DPP6: variants seen among roughly 807,000 people sequenced by gnomAD.
DPP6 encodes A-type potassium channel modulatory protein DPP6.
In DPP6, 69 loss-of-function variants were observed where a neutral mutation model predicts 122.6. The observed-to-expected ratio is 0.56, with a 90% CI of 0.46 to 0.69. DPP6 has a LOEUF of 0.69. DPP6 is among the 30% of genes least tolerant of loss of function. The probability of loss-of-function intolerance (pLI) is 0.00; values close to 1 mark genes in which losing one functional copy is unlikely to be tolerated. For synonymous variants in DPP6, 418 were observed against 433.1 expected, an observed-to-expected ratio of 0.97 and a Z score of 0.43; for missense variants, 928 against 1,116.9, an observed-to-expected ratio of 0.83 and a Z score of 2.41.
At chr7:154,219,805 T>G (rs2150826238) in intron 1 of DPP6, among the ~76,000 whole-genome samples, 1 of 152,350 alleles carries the variant, frequency 6.6e-6, no homozygotes, top group East Asian at 1.9e-4. Context: ...CAGGCTGGTC[T>G]CGAACTCCTG....
In DPP6 at chr7:154,683,246, A is replaced by T. The variant is rs1477831139; in HGVS notation, c.762+13805A>T. Among the ~76,000 whole-genome samples, 5 of 152,274 alleles carry T rather than the reference A, an allele frequency of 3.3e-5. No homozygotes were observed. In the East Asian group the frequency reaches 7.7e-4, roughly 24 times the overall value. ...GAGTGTGCCGTCTGACCTCCAGCCT[A>T]GATCGCTCTAGAGCCTGCGCCTGTC... is the stretch of plus-strand genomic sequence containing the variant. On this transcript the variant is annotated intron_variant, in intron 7 of 25. Transcript: ENST00000377770.
At chr7:154,264,947 A>G (rs559376604) in intron 1 of DPP6, among the ~76,000 whole-genome samples, 1 of 150,342 alleles carries the variant, frequency 6.7e-6, no homozygotes, top group Admixed American at 6.6e-5. Context: ...GATGATAGTG[A>G]TAATGATGGT....
At chr7:153,994,076 T>C (rs972487212) in intron 1 of DPP6, among the ~76,000 whole-genome samples, 4 of 152,050 alleles carry the variant, frequency 2.6e-5, no homozygotes, top group Admixed American at 2.0e-4. Context: ...ATATTCTAAC[T>C]CCTTTTATAA....
chr7:153,891,460 CAAA>C (rs1375346390), intron 1 of DPP6, among the ~76,000 whole-genome samples: 1 of 152,036 alleles, frequency 6.6e-6, no homozygotes, highest in Non-Finnish European at 1.5e-5. Context: ...TTGCTCGAAA[CAAA>C]AATTATTTTT....
At chr7:154,270,011 A>G (rs1373628183) in intron 1 of DPP6, among the ~76,000 whole-genome samples, 1 of 152,218 alleles carries the variant, frequency 6.6e-6, no homozygotes, top group East Asian at 1.9e-4. Context: ...GGAATGACGG[A>G]CCCAGCAGCC....
At chr7:154,647,614 C>T (rs1836571553) in intron 6 of DPP6, among the ~76,000 whole-genome samples, 1 of 152,102 alleles carries the variant, frequency 6.6e-6, no homozygotes, top group Non-Finnish European at 1.5e-5. Flanking sequence ...CCTGGGCTCC[C>T]TCTGGTGAGC....
the DPP6 span, among the ~76,000 whole-genome samples, chr7:153,863,180 A>G: frequency 1.3e-5 from 2 of 152,190 alleles, no homozygotes; most frequent in African/African-American, 4.8e-5. Flanking sequence ...TGATTTCATC[A>G]AAGCATAGCA....
intron 6 of DPP6, among the ~76,000 whole-genome samples, chr7:154,652,583 T>A (rs1460220656): frequency 6.6e-6 from 1 of 152,112 alleles, no homozygotes. Flanking sequence ...TTGAACATGC[T>A]AGAACATGCA....
chr7:154,125,293 G>A (rs1434050785), intron 1 of DPP6, among the ~76,000 whole-genome samples: 1 of 152,180 alleles, frequency 6.6e-6, no homozygotes, highest in Non-Finnish European at 1.5e-5. Context: ...CTCATTCTTC[G>A]AAGTCCTTTC....
chr7:154,268,163 C>T (rs1407885844), intron 1 of DPP6, among the ~76,000 whole-genome samples: 3 of 152,114 alleles, frequency 2.0e-5, no homozygotes, highest in African/African-American at 7.2e-5. Context: ...CTTGCTGTTT[C>T]TATGAGGAAT....
chr7:154,760,378 A>G lies in DPP6; in HGVS notation c.884-9039A>G, dbSNP rs577068382. The stretch of plus-strand genomic sequence containing the variant: ...GGGTGGAGGAAATTCAGTCCATGAC[A>G]TCAGCAAGCTCATTCTGCACAGACC... On this transcript the variant is annotated intron_variant, in intron 8 of 25. Transcript: ENST00000377770. This position sits in a 1 kb window ranked among gnomAD's most constrained non-coding sequence, Gnocchi z 4.5. Among the ~76,000 whole-genome samples the G allele has an allele frequency of 1.2e-4, 18 of 152,150 alleles. No individual in the cohort carries two copies. The highest frequency in any genetic ancestry group is 1.0e-4 in the Non-Finnish European group (7 of 68,002).
intron 3 of DPP6, among the ~76,000 whole-genome samples, chr7:154,489,406 A>T (rs1298941729): frequency 6.6e-6 from 1 of 152,218 alleles, no homozygotes; most frequent in Non-Finnish European, 1.5e-5. Context: ...AGATTGGTGT[A>T]GACCTTTCTA....
chr7:154,403,382 A>G lies in DPP6; in HGVS notation c.244-42832A>G, dbSNP rs1249008887. 6.6e-6 allele frequency among the ~76,000 whole-genome samples: 1 copy of G among 152,182 alleles called. No individual in the cohort carries two copies. Among genetic ancestry groups the G allele is most frequent in the Non-Finnish European group, 1.5e-5 (1 of 68,030 alleles). On this transcript the variant is annotated intron_variant, in intron 1 of 25. Coordinates refer to ENST00000377770, the MANE Select transcript of DPP6 (RefSeq NM_130797.4). This position sits in a 1 kb window ranked among gnomAD's most constrained non-coding sequence, Gnocchi z 4.1. ...TAGGAGGAAAAGGGACATGGTGAGG[A>G]CTGGAGTTGCGGTAGATGCCTCCTG...
intron 3 of DPP6, among the ~76,000 whole-genome samples, chr7:154,520,553 C>T (rs1312493147): frequency 2.0e-5 from 3 of 152,338 alleles, no homozygotes; most frequent in East Asian, 3.9e-4. Context: ...TTTTTGTCAC[C>T]GTTGTGTTGA....
At chr7:154,010,788 G>A (rs1798120127) in intron 1 of DPP6, among the ~76,000 whole-genome samples, 1 of 152,240 alleles carries the variant, frequency 6.6e-6, no homozygotes, top group Non-Finnish European at 1.5e-5. Context: ...AACTGTGCAA[G>A]TGGATTGAAA....
intron 1 of DPP6, among the ~76,000 whole-genome samples, chr7:154,023,017 C>T (rs914302558): frequency 6.6e-5 from 10 of 152,238 alleles, no homozygotes; most frequent in African/African-American, 1.9e-4. Context: ...CCTTCTACAG[C>T]CTGAGGTACC....
At chr7:154,364,359 C>T (rs974688512) in intron 1 of DPP6, among the ~76,000 whole-genome samples, 1 of 152,202 alleles carries the variant, frequency 6.6e-6, no homozygotes, top group Non-Finnish European at 1.5e-5. Flanking sequence ...GGCCCACACA[C>T]ACTTATGCCG....
chr7:153,909,169 AT>A (rs1446756179), intron 1 of DPP6, among the ~76,000 whole-genome samples: 56 of 152,290 alleles, frequency 3.7e-4, no homozygotes, highest in African/African-American at 1.3e-3. Context: ...TTACTTACAG[AT>A]CTTGGATGAT....
chr7:154,116,254 G>A (rs919337670), intron 1 of DPP6, among the ~76,000 whole-genome samples: 4 of 152,178 alleles, frequency 2.6e-5, no homozygotes, highest in African/African-American at 9.7e-5. Context: ...TGAATGAATG[G>A]ACATTTACTG....
Sources: allele counts gnomAD v4.1 joint callset (sites outside exome capture counted in the v4.1 genomes callset), GRCh38; gene constraint gnomAD v4.1.1; non-coding constraint Gnocchi (gnomAD v3.1); transcripts MANE v1.5; gene names NCBI Gene and HGNC (gene_info 2026-07-23, HGNC 2026-07-21).